Variants in RGS6 observed in about 807,000 individuals in gnomAD.
The protein encoded by RGS6 is regulator of G-protein signaling 6.
In RGS6, 30 loss-of-function variants were observed where a neutral mutation model predicts 78.5. The observed-to-expected ratio is 0.38, with a 90% CI of 0.29 to 0.52. The LOEUF (loss-of-function observed/expected upper bound fraction) is 0.52. Ranked by LOEUF, RGS6 falls within the 20% of genes least tolerant of loss-of-function variation. The pLI, the probability that RGS6 is intolerant of heterozygous loss-of-function variation, is 0.85. For missense variants in RGS6, 495 were observed against 609.7 expected (o/e 0.81, Z 1.98); for synonymous variants, 206 against 206.0 (o/e 1.00, Z 0.00).
intron 3 of RGS6, among the ~76,000 whole-genome samples, chr14:72,377,845 C>T (rs554158690): frequency 6.6e-6 from 1 of 152,220 alleles, no homozygotes; most frequent in African/African-American, 2.4e-5. Flanking sequence ...ACCCGTGGTG[C>T]TGCACACCTG....
At chr14:71,874,902 A>T in the RGS6 span, among the ~76,000 whole-genome samples, 2 of 152,192 alleles carry the variant, frequency 1.3e-5, no homozygotes, top group African/African-American at 4.8e-5. Context: ...TGAGATAATC[A>T]TGTGGTTTTT....
At chr14:72,413,086 G>A (rs868021528) in intron 3 of RGS6, among the ~76,000 whole-genome samples, 73 of 152,270 alleles carry the variant, frequency 4.8e-4, no homozygotes, top group Admixed American at 3.4e-3. Flanking sequence ...TATTAGGTCC[G>A]CTTGGTGCAG....
intron 2 of RGS6, among the ~76,000 whole-genome samples, chr14:72,323,273 T>G (rs1159941003): frequency 6.6e-6 from 1 of 152,088 alleles, no homozygotes; most frequent in Admixed American, 6.5e-5. Context: ...AGATCCCATT[T>G]ACAATAAGAA....
intron 4 of RGS6, among the ~76,000 whole-genome samples, chr14:72,456,405 T>G (rs1200935165): frequency 1.3e-5 from 2 of 152,200 alleles, no homozygotes; most frequent in African/African-American, 4.8e-5. Flanking sequence ...ATCTTCCACC[T>G]CAGTCTCCCG....
chr14:72,342,915 A>AG (rs2077312640), intron 2 of RGS6, among the ~76,000 whole-genome samples: 1 of 152,056 alleles, frequency 6.6e-6, no homozygotes, highest in Non-Finnish European at 1.5e-5. Flanking sequence ...CACAGGTCCT[A>AG]GGTGATGACT....
chr14:72,454,451 C>T lies in RGS6; in HGVS notation c.185-77C>T, dbSNP rs906905503. 3 of 1,430,654 alleles carry T rather than the reference C, an allele frequency of 2.1e-6. No individual in the cohort carries two copies. In the African/African-American group the frequency reaches 4.2e-5, roughly 20 times the overall value. The allele number at this position is 1,430,654 out of a possible 1,614,324, so 88.6% of individuals were successfully genotyped here. A position where few individuals can be genotyped will look rare whatever the true frequency, so the allele number is the denominator to read the frequency against. On this transcript the variant is annotated intron_variant, in intron 3 of 17. Transcript: ENST00000553525. ...GTGGACTGTTTGGAATTAGGATTCT[C>T]TTAGGTAAACATGTTTCTTCTGCCA...
intron 3 of RGS6, among the ~76,000 whole-genome samples, chr14:72,370,614 T>C (rs755488085): frequency 2.0e-5 from 3 of 152,146 alleles, no homozygotes; most frequent in African/African-American, 2.4e-5. Flanking sequence ...GCAGCAACTA[T>C]ATTAAACAAA....
At chr14:72,252,806 ACT>A (rs755811757) in intron 2 of RGS6, among the ~76,000 whole-genome samples, 2 of 152,126 alleles carry the variant, frequency 1.3e-5, no homozygotes, top group Non-Finnish European at 2.9e-5. Flanking sequence ...ATAGAGGAGG[ACT>A]CTATAAAATG....
chr14:72,591,731 G>T, the RGS6 span, among the ~76,000 whole-genome samples: 76 of 152,336 alleles, frequency 5.0e-4, no homozygotes, highest in East Asian at 9.4e-3. Flanking sequence ...ACCTTGTTGT[G>T]TGGCAGACCA....
the RGS6 span, among the ~76,000 whole-genome samples, chr14:72,580,315 A>G: frequency 0.29 from 38,809 of 133,790 alleles, 6,650 homozygotes; most frequent in African/African-American, 0.41. Context: ...TGTCCCCCCC[A>G]CCCCGACCCC....
chr14:72,250,283 T>C (rs1057279700), intron 2 of RGS6, among the ~76,000 whole-genome samples: 46 of 152,054 alleles, frequency 3.0e-4, no homozygotes, highest in African/African-American at 1.0e-3. Flanking sequence ...TAATGATTGT[T>C]GCACTCTCCT....
chr14:72,234,643 A>G (rs2050524280), intron 2 of RGS6, among the ~76,000 whole-genome samples: 1 of 151,858 alleles, frequency 6.6e-6, no homozygotes, highest in Non-Finnish European at 1.5e-5. Flanking sequence ...TGGTAAGGTT[A>G]CCTCACAGTG....
intron 2 of RGS6, among the ~76,000 whole-genome samples, chr14:72,074,203 T>A (rs1372894764): frequency 6.6e-6 from 1 of 152,214 alleles, no homozygotes; most frequent in East Asian, 1.9e-4. Context: ...CATTTCTTAT[T>A]TATTTTTCTA....
the RGS6 span, among the ~76,000 whole-genome samples, chr14:72,580,507 C>T: frequency 6.6e-6 from 1 of 152,220 alleles, no homozygotes; most frequent in Non-Finnish European, 1.5e-5. Context: ...GTAACTCAGG[C>T]CCTGGGAGGA....
the RGS6 span, among the ~76,000 whole-genome samples, chr14:71,901,224 C>T: frequency 6.6e-6 from 1 of 152,052 alleles, no homozygotes; most frequent in South Asian, 2.1e-4. Flanking sequence ...GATGAGTTTC[C>T]CAAATAAATT....
At chr14:72,327,649 C>G (rs145205606) in intron 2 of RGS6, among the ~76,000 whole-genome samples, 5 of 152,186 alleles carry the variant, frequency 3.3e-5, no homozygotes, top group African/African-American at 1.2e-4. Context: ...GTCCTTGGCA[C>G]GACTAGAAAA....
At chr14:72,595,570 T>C in the RGS6 span, among the ~76,000 whole-genome samples, 2 of 152,210 alleles carry the variant, frequency 1.3e-5, no homozygotes. Flanking sequence ...GTCCTCATGG[T>C]GTTGTGATGG....
chr14:72,361,933 G>T (rs925178126), intron 3 of RGS6, among the ~76,000 whole-genome samples: 16 of 152,172 alleles, frequency 1.1e-4, no homozygotes, highest in African/African-American at 3.9e-4. Context: ...GTGTGGGAGG[G>T]AAAATAGCCA....
chr14:72,303,948 C>A (rs1179102084), intron 2 of RGS6, among the ~76,000 whole-genome samples: 1 of 152,204 alleles, frequency 6.6e-6, no homozygotes, highest in African/African-American at 2.4e-5. Flanking sequence ...ATATTCCCCC[C>A]AACCTTCCCA....
Sources: gnomAD v4.1 joint callset for allele counts (sites outside exome capture counted in the v4.1 genomes callset) on GRCh38, gnomAD v4.1.1 for gene constraint, MANE v1.5 for transcripts, NCBI Gene and HGNC (gene_info 2026-07-23, HGNC 2026-07-21) for gene names.